Variants in SNTG2 observed in about 807,000 individuals in gnomAD.
SNTG2 encodes gamma-2-syntrophin.
Under a neutral mutation model 70.9 loss-of-function variants are expected in SNTG2, and 74 were observed. The ratio of observed to expected loss-of-function variants is 1.04; its 90% CI spans 0.86 to 1.27. The LOEUF (loss-of-function observed/expected upper bound fraction) is 1.27. Among genes scored for constraint, SNTG2 ranks in the 50% most tolerant of loss-of-function variants. The pLI is 0.00. For synonymous variants in SNTG2, 278 were observed against 273.8 expected (o/e 1.02, Z -0.15); for missense variants, 717 against 690.7 (o/e 1.04, Z -0.43).
At chr2:1,213,708 G>A (rs1021391187) in intron 9 of SNTG2, among the ~76,000 whole-genome samples, 8 of 152,116 alleles carry the variant, frequency 5.3e-5, no homozygotes, top group Non-Finnish European at 1.2e-4. Context: ...GTCTTTGTGG[G>A]GAGGAAACCA....
chr2:1,150,637 A>G (rs1669417353), intron 6 of SNTG2, among the ~76,000 whole-genome samples: 1 of 152,168 alleles, frequency 6.6e-6, no homozygotes, highest in African/African-American at 2.4e-5. Flanking sequence ...TGACAAAAGT[A>G]AAGGGGCATC....
In SNTG2 at chr2:1,085,443, A is replaced by C. The variant is rs35921593; in HGVS notation, c.210+1788A>C. On this transcript the variant is annotated intron_variant, in intron 2 of 16. Transcript: ENST00000308624. ...GGTATAGACTTATGCGTACAGTTTT[A>C]GGTGAATTATTGACTCCAAACCTCT... Among the ~76,000 whole-genome samples the C allele has an allele frequency of 7.0e-3, 1,061 of 152,356 alleles. 4 individuals carry two copies. The highest frequency in any genetic ancestry group is 0.013 in the Non-Finnish European group (873 of 68,022).
At chr2:1,048,648 C>A (rs1661881702) in intron 1 of SNTG2, among the ~76,000 whole-genome samples, 1 of 152,054 alleles carries the variant, frequency 6.6e-6, no homozygotes, top group Admixed American at 6.6e-5. Context: ...TTTCATATGT[C>A]TTTAGATGGA....
At chr2:1,199,567 T>C (rs911316030) in intron 8 of SNTG2, among the ~76,000 whole-genome samples, 4 of 151,968 alleles carry the variant, frequency 2.6e-5, no homozygotes, top group African/African-American at 7.2e-5. Flanking sequence ...CATTGAAAAA[T>C]AGGAAGTTAA....
chr2:1,083,391 T>A, intron 1 of SNTG2, 127 bp from the exon 2 acceptor site: 2 of 831,180 alleles, frequency 2.4e-6, no homozygotes, highest in Non-Finnish European at 3.8e-6. Flanking sequence ...TGAGCACAGA[T>A]CTGTGCACAC....
At chr2:1,360,548 A>G (rs931183997) in intron 16 of SNTG2, among the ~76,000 whole-genome samples, 6 of 152,178 alleles carry the variant, frequency 3.9e-5, no homozygotes, top group Non-Finnish European at 8.8e-5. Context: ...TGCCACAACA[A>G]GTGAGGGGAA....
intron 9 of SNTG2, among the ~76,000 whole-genome samples, chr2:1,226,723 A>T (rs1459508240): frequency 6.6e-6 from 1 of 152,258 alleles, no homozygotes; most frequent in Non-Finnish European, 1.5e-5. Flanking sequence ...TCTTATGCAA[A>T]ATAGTTATAG....
intron 14 of SNTG2, among the ~76,000 whole-genome samples, chr2:1,276,173 C>G (rs1679256427): frequency 6.6e-6 from 1 of 152,184 alleles, no homozygotes; most frequent in African/African-American, 2.4e-5. Context: ...AGCAAGTTCT[C>G]CAGAAGATCC....
chr2:1,225,275 T>A (rs1184111164), intron 9 of SNTG2, among the ~76,000 whole-genome samples: 1 of 152,194 alleles, frequency 6.6e-6, no homozygotes, highest in Non-Finnish European at 1.5e-5. Flanking sequence ...TATTACAAGG[T>A]GTGCAAGAAT....
intron 16 of SNTG2, among the ~76,000 whole-genome samples, chr2:1,322,629 C>G (rs189551959): frequency 6.6e-6 from 1 of 152,274 alleles, no homozygotes; most frequent in East Asian, 1.9e-4. Flanking sequence ...CTCTATCTCT[C>G]TCACTCTGTC....
intron 1 of SNTG2, among the ~76,000 whole-genome samples, chr2:1,066,935 T>C (rs1663198277): frequency 6.6e-6 from 1 of 152,148 alleles, no homozygotes; most frequent in African/African-American, 2.4e-5. Context: ...AGCTCTCATC[T>C]CCTCTGCAAA....
intron 1 of SNTG2, among the ~76,000 whole-genome samples, chr2:956,726 G>A (rs1406324643): frequency 6.6e-6 from 1 of 152,266 alleles, no homozygotes; most frequent in Admixed American, 6.5e-5. Flanking sequence ...CTGCCCTGCT[G>A]CGTGGTAGCT....
chr2:1,338,566 T>A (rs1023756029), intron 16 of SNTG2, among the ~76,000 whole-genome samples: 2 of 152,214 alleles, frequency 1.3e-5, no homozygotes, highest in African/African-American at 4.8e-5. Flanking sequence ...CTCTATTCTA[T>A]TGTCTGTCTC....
intron 8 of SNTG2, among the ~76,000 whole-genome samples, chr2:1,189,216 T>G (rs1038819564): frequency 6.6e-6 from 1 of 152,222 alleles, no homozygotes; most frequent in African/African-American, 2.4e-5. Context: ...AGCAAATCTT[T>G]GTAAGACCTT....
At chr2:1,168,032 G>C (rs1670856091) in intron 7 of SNTG2, among the ~76,000 whole-genome samples, 1 of 131,504 alleles carries the variant, frequency 7.6e-6, no homozygotes, top group African/African-American at 3.0e-5. Context: ...GCCGCCCACA[G>C]ACGGCAGAAC....
At chr2:1,255,885 A>AATATATATAAATATATATATAAAT (rs1357299646) in intron 12 of SNTG2, among the ~76,000 whole-genome samples, 80 of 90,448 alleles carry the variant, frequency 8.8e-4, no homozygotes, top group African/African-American at 1.9e-3. Flanking sequence ...TATATATATA[A>AATATATATAAATATATATATAAAT]ATATATATAA....
intron 1 of SNTG2, among the ~76,000 whole-genome samples, chr2:1,031,684 C>T (rs1284276095): frequency 6.6e-6 from 1 of 151,270 alleles, no homozygotes; most frequent in East Asian, 1.9e-4. Flanking sequence ...GCACGTCCCA[C>T]CACGCCCAGC....
At chr2:1,203,005 G>A (rs547232592) in intron 8 of SNTG2, among the ~76,000 whole-genome samples, 5 of 152,112 alleles carry the variant, frequency 3.3e-5, no homozygotes, top group East Asian at 1.9e-4. Context: ...TTGATAGGAC[G>A]GATAGACAAA....
intron 6 of SNTG2, chr2:1,160,010 A>G (rs751794854): frequency 6.6e-6 from 1 of 152,192 alleles, no homozygotes; most frequent in Non-Finnish European, 1.5e-5. Context: ...ATACATGAAT[A>G]ATATGGGATA....
Sources: gnomAD v4.1 joint callset for allele counts (sites outside exome capture counted in the v4.1 genomes callset) on GRCh38, gnomAD v4.1.1 for gene constraint, MANE v1.5 for transcripts, NCBI Gene and HGNC (gene_info 2026-07-23, HGNC 2026-07-21) for gene names.